MTSS1: variants seen among roughly 807,000 people sequenced by gnomAD.
MTSS1 encodes protein MTSS 1.
Under a neutral mutation model 79.0 loss-of-function variants are expected in MTSS1, and 18 were observed. The observed-to-expected ratio is 0.23, with a 90% CI of 0.16 to 0.34. The LOEUF (loss-of-function observed/expected upper bound fraction) is 0.34, where lower values mean the gene tolerates loss of function less well. MTSS1 is among the 10% of genes least tolerant of loss of function. The probability of loss-of-function intolerance (pLI) is 1.00; values close to 1 mark genes in which losing one functional copy is unlikely to be tolerated. For missense variants in MTSS1, 815 were observed against 986.2 expected (o/e 0.83, Z 2.33); for synonymous variants, 341 against 368.6 (o/e 0.93, Z 0.86).
intron 5 of MTSS1, among the ~76,000 whole-genome samples, chr8:124,587,669 G>GT (rs1011697177): frequency 5.3e-5 from 8 of 151,814 alleles, no homozygotes; most frequent in Non-Finnish European, 1.0e-4. Flanking sequence ...CAGCTAATTG[G>GT]TTTTTTTGTA....
chr8:124,674,109 G>A (rs576587967), intron 3 of MTSS1, among the ~76,000 whole-genome samples: 56 of 152,204 alleles, frequency 3.7e-4, no homozygotes, highest in African/African-American at 1.3e-3. Context: ...ACTGTCTAAG[G>A]GGCAGGTACA....
intron 3 of MTSS1, among the ~76,000 whole-genome samples, chr8:124,621,621 T>C (rs1448992582): frequency 1.3e-5 from 2 of 152,180 alleles, no homozygotes; most frequent in African/African-American, 4.8e-5. Flanking sequence ...CTCGGCTCAC[T>C]GCAACCTCCA....
intron 3 of MTSS1, among the ~76,000 whole-genome samples, chr8:124,646,664 AC>A (rs1283940989): frequency 3.3e-5 from 5 of 152,166 alleles, no homozygotes; most frequent in African/African-American, 1.2e-4. Context: ...TGAGTTTTAA[AC>A]CATCCACAGA....
intron 3 of MTSS1, among the ~76,000 whole-genome samples, chr8:124,698,506 CTTTTTTTTTTT>C (rs148481676): frequency 1.6e-5 from 2 of 124,772 alleles, no homozygotes; most frequent in African/African-American, 6.1e-5. Context: ...TGTTGCTTTT[CTTTTTTTTTTT>C]TTTTTTTTTG....
chr8:124,670,394 C>T (rs905636323), intron 3 of MTSS1, among the ~76,000 whole-genome samples: 13 of 150,928 alleles, frequency 8.6e-5, no homozygotes, highest in South Asian at 2.1e-4. Context: ...CACAGCCTGG[C>T]GGCACCCCAC....
intron 3 of MTSS1, among the ~76,000 whole-genome samples, chr8:124,680,776 G>A (rs1826002752): frequency 2.0e-5 from 3 of 152,138 alleles, no homozygotes; most frequent in African/African-American, 4.8e-5. Context: ...CTATAGGTAC[G>A]AATGAAGGAC....
chr8:124,629,505 CAAAAAAAAAAAAAA>C (rs982816199), intron 3 of MTSS1, among the ~76,000 whole-genome samples: 1 of 62,216 alleles, frequency 1.6e-5, no homozygotes, highest in Non-Finnish European at 3.5e-5. Context: ...GACTCCGTCT[CAAAAAAAAAAAAAA>C]AAAAAAAGAA....
intron 12 of MTSS1, 58 bp downstream of exon 12, chr8:124,556,174 T>G (rs907545260): frequency 6.2e-7 from 1 of 1,611,074 alleles, no homozygotes; most frequent in Non-Finnish European, 8.5e-7. Context: ...CTGGCCAGAA[T>G]GTGATCCCCA....
chr8:124,684,943 C>CTT (rs1248180330), intron 3 of MTSS1, among the ~76,000 whole-genome samples: 1 of 152,130 alleles, frequency 6.6e-6, no homozygotes, highest in Non-Finnish European at 1.5e-5. Context: ...GGGGCTAAGG[C>CTT]TATAATGATA....
chr8:124,607,688 A>G (rs1403671069), intron 3 of MTSS1, among the ~76,000 whole-genome samples: 1 of 152,164 alleles, frequency 6.6e-6, no homozygotes, highest in Non-Finnish European at 1.5e-5. Flanking sequence ...TTTAGTTTCT[A>G]GCTCCCAAAT....
intron 3 of MTSS1, among the ~76,000 whole-genome samples, chr8:124,656,884 A>G (rs1463006337): frequency 1.3e-5 from 2 of 152,226 alleles, no homozygotes; most frequent in Non-Finnish European, 1.5e-5. Context: ...ACATGGGGAT[A>G]GAGGAAGCTG....
chr8:124,660,646 T>C (rs375551727), intron 3 of MTSS1, among the ~76,000 whole-genome samples: 45 of 152,256 alleles, frequency 3.0e-4, no homozygotes, highest in African/African-American at 1.1e-3. Flanking sequence ...ACACCAAATA[T>C]GAGGCTCTGG....
chr8:124,564,095 C>T (rs2131984378), intron 9 of MTSS1, among the ~76,000 whole-genome samples: 1 of 140,482 alleles, frequency 7.1e-6, no homozygotes, highest in East Asian at 2.1e-4. Flanking sequence ...TATGCCACTG[C>T]ACTCCACCTG....
chr8:124,615,280 C>T (rs143183749), intron 3 of MTSS1, among the ~76,000 whole-genome samples: 5 of 151,698 alleles, frequency 3.3e-5, no homozygotes, highest in African/African-American at 9.7e-5. Flanking sequence ...AAATGGAGAG[C>T]GGTGGAAAGG....
chr8:124,636,350 C>T (rs757764713), intron 3 of MTSS1, among the ~76,000 whole-genome samples: 8 of 152,144 alleles, frequency 5.3e-5, no homozygotes, highest in East Asian at 3.8e-4. Flanking sequence ...AGGCTGGCCT[C>T]GAACTCCTGA....
intron 6 of MTSS1, among the ~76,000 whole-genome samples, chr8:124,580,807 C>A (rs1221517480): frequency 3.9e-5 from 6 of 152,058 alleles, no homozygotes; most frequent in Non-Finnish European, 8.8e-5. Flanking sequence ...TTAGTAATGA[C>A]CACCCCTAGA....
At chr8:124,652,527 G>A (rs1820157052) in intron 3 of MTSS1, among the ~76,000 whole-genome samples, 1 of 151,802 alleles carries the variant, frequency 6.6e-6, no homozygotes, top group South Asian at 2.1e-4. Context: ...CACAATGTAA[G>A]CCACATGAGT....
intron 1 of MTSS1, among the ~76,000 whole-genome samples, chr8:124,725,587 A>G (rs1309495475): frequency 6.6e-6 from 1 of 152,228 alleles, no homozygotes; most frequent in Non-Finnish European, 1.5e-5. Flanking sequence ...GACCAAAGGC[A>G]TTATAAACCC....
intron 3 of MTSS1, among the ~76,000 whole-genome samples, chr8:124,602,204 T>TACACACACAC (rs1430392276): frequency 6.9e-6 from 1 of 144,096 alleles, no homozygotes; most frequent in African/African-American, 2.7e-5. Context: ...TATATATATA[T>TACACACACAC]ATAATTTTTT....
Sources: gnomAD v4.1 joint callset for allele counts (sites outside exome capture counted in the v4.1 genomes callset) on GRCh38, gnomAD v4.1.1 for gene constraint, MANE v1.5 for transcripts, NCBI Gene and HGNC (gene_info 2026-07-23, HGNC 2026-07-21) for gene names.